Variants in SEC14L5 observed in about 807,000 individuals in gnomAD.
The protein encoded by SEC14L5 is SEC14-like protein 5.
SEC14L5 carries 96 observed loss-of-function variants against 84.6 expected under a neutral mutation model. The observed-to-expected ratio is 1.13, with a 90% CI of 0.96 to 1.34. The LOEUF is 1.34. Among genes scored for constraint, SEC14L5 ranks in the 40% most tolerant of loss-of-function variants. SEC14L5 has a pLI of 0.00. For synonymous variants in SEC14L5, 546 were observed against 383.4 expected (o/e 1.42, Z -4.95); for missense variants, 1,224 against 942.5 (o/e 1.30, Z -3.91).
Position 4,992,006 on chromosome 16 carries a change from G to C in SEC14L5, c.643G>C (p.Ala215Pro). 6.3e-7 allele frequency: 1 copy of C among 1,576,046 alleles called. No homozygotes were observed. Among genetic ancestry groups the C allele is most frequent in the Non-Finnish European group, 8.6e-7 (1 of 1,167,434 alleles). ...AHGPRSTLGP[A>P]LEAVSMDGDK... ...CGGGCCCCGTAGCACCCTGGGGCCC[G>C]CTCTGGAGGCGGTCAGTATGGACGG... is the stretch of plus-strand genomic sequence containing the variant. Residue 215 changes from alanine to proline, a missense_variant, in exon 6 of 16, where the codon GCT becomes CCT. By Grantham distance (27) the Ala-to-Pro change is conservative. Coordinates refer to ENST00000251170, the MANE Select transcript of SEC14L5 (RefSeq NM_014692.2).
In SEC14L5 at chr16:5,014,848, T is replaced by C; in HGVS notation, c.1980-11T>C. ...TGAGAGGGTAACGTGTGCCACGCCCTTCCTCCCCAGGGGCTCCATGTCCAG... is the reference window on the plus strand; with the variant it reads ...TGAGAGGGTAACGTGTGCCACGCCCCTCCTCCCCAGGGGCTCCATGTCCAG... On this transcript the variant is annotated splice_polypyrimidine_tract_variant and intron_variant, in intron 15 of 15. Coordinates refer to ENST00000251170, the MANE Select transcript of SEC14L5 (RefSeq NM_014692.2). The C allele has an allele frequency of 1.2e-6, 2 of 1,610,392 alleles. No individual in the cohort carries two copies. The highest frequency in any genetic ancestry group is 1.7e-6 in the Non-Finnish European group (2 of 1,176,862).
Position 4,971,732 on chromosome 16 carries a change from G to A in SEC14L5, c.63+12346G>A, listed in dbSNP as rs115387126. Among the ~76,000 whole-genome samples, 1,310 of 152,296 alleles carry A rather than the reference G, an allele frequency of 8.6e-3. 18 individuals are homozygous for A. Among genetic ancestry groups the A allele is most frequent in the African/African-American group, 0.03 (1,253 of 41,546 alleles). On this transcript the variant is annotated intron_variant, in intron 2 of 15. Transcript: ENST00000251170. ...TGAGACTAGGGAGACCGGTACTTAT[G>A]TGACTTAATCTCCCAGGGATATATA...
intron 12 of SEC14L5, 146 bp downstream of exon 12, chr16:5,006,194 C>G (rs1955730579): frequency 5.3e-6 from 4 of 761,078 alleles, no homozygotes; most frequent in South Asian, 1.8e-5. Context: ...CTTGCTGGCT[C>G]TCAGCAGCCA....
At chr16:5,010,050 T>C (rs940067065) in intron 14 of SEC14L5, among the ~76,000 whole-genome samples, 1 of 151,894 alleles carries the variant, frequency 6.6e-6, no homozygotes, top group African/African-American at 2.4e-5. Context: ...CAAAAGAAAC[T>C]GTAGGTCTTG....
chr16:4,985,222 A>G (rs1183680952), intron 2 of SEC14L5, among the ~76,000 whole-genome samples: 2 of 151,842 alleles, frequency 1.3e-5, no homozygotes, highest in Admixed American at 6.6e-5. Flanking sequence ...TATTATTATT[A>G]TTTTATTTGT....
intron 6 of SEC14L5, among the ~76,000 whole-genome samples, chr16:4,994,922 G>A (rs1266386818): frequency 6.6e-6 from 1 of 152,060 alleles, no homozygotes. Context: ...ACATCTGCCC[G>A]GGGCCGGAAG....
chr16:5,000,394 C>T (rs1174311757), intron 8 of SEC14L5, among the ~76,000 whole-genome samples: 3 of 152,208 alleles, frequency 2.0e-5, no homozygotes, highest in Non-Finnish European at 4.4e-5. Context: ...TGCCTCTGCC[C>T]CCCAAAATGC....
rs568832836 is a variant in SEC14L5 at position 5,011,211 on chromosome 16, C to T, written c.1917C>T (p.His639=). The T allele has an allele frequency of 1.3e-5, 21 of 1,613,902 alleles. No individual in the cohort carries two copies. In the African/African-American group the frequency reaches 1.9e-4, roughly 14 times the overall value. ...PGVDDVLTAL[H]SPGPKCKLLY... is the part of the protein sequence containing the mutation. ...TGGACGATGTCCTGACGGCTCTGCA[C>T]AGCCCCGGGCCCAAGTGCAAACTTC... Residue 639 remains histidine (H), a synonymous_variant, in exon 15 of 16, where the codon CAC becomes CAT. Transcript: ENST00000251170.
At chr16:4,966,129 C>CTAATTTTT (rs1313677522) in intron 2 of SEC14L5, among the ~76,000 whole-genome samples, 1 of 152,122 alleles carries the variant, frequency 6.6e-6, no homozygotes, top group East Asian at 1.9e-4. Context: ...CCATGCCTGG[C>CTAATTTTT]TAATTTTTTC....
intron 15 of SEC14L5, among the ~76,000 whole-genome samples, chr16:5,012,695 A>T (rs1955819511): frequency 6.6e-6 from 1 of 152,222 alleles, no homozygotes; most frequent in South Asian, 2.1e-4. Context: ...ATCTGTGGTC[A>T]AGAGTTTGAG....
chr16:5,006,497 C>G (rs2908671), intron 12 of SEC14L5, among the ~76,000 whole-genome samples: 14,620 of 152,194 alleles, frequency 0.096, 983 homozygotes, highest in Non-Finnish European at 0.15. Context: ...ATCAGGAACC[C>G]CCTTCAAGGG....
At chr16:4,972,747 C>T (rs1453254142) in intron 2 of SEC14L5, among the ~76,000 whole-genome samples, 3 of 152,210 alleles carry the variant, frequency 2.0e-5, no homozygotes, top group Admixed American at 1.3e-4. Flanking sequence ...TTGATGGACA[C>T]GTGGGTGTTT....
chr16:4,981,119 C>A (rs566478349), intron 2 of SEC14L5, among the ~76,000 whole-genome samples: 36 of 152,070 alleles, frequency 2.4e-4, no homozygotes, highest in South Asian at 1.2e-3. Flanking sequence ...TTCTTTCTTT[C>A]TTTATTTATT....
intron 2 of SEC14L5, among the ~76,000 whole-genome samples, chr16:4,966,939 G>T (rs918540463): frequency 6.6e-6 from 1 of 152,194 alleles, no homozygotes; most frequent in Non-Finnish European, 1.5e-5. Flanking sequence ...CACCGGCCAA[G>T]CCCGGGAGTG....
chr16:4,977,792 T>TTTTA (rs947677125), intron 2 of SEC14L5, among the ~76,000 whole-genome samples: 10 of 151,688 alleles, frequency 6.6e-5, no homozygotes, highest in Admixed American at 5.3e-4. Context: ...AGTGTTTTTA[T>TTTTA]TTTATTTATT....
intron 6 of SEC14L5, among the ~76,000 whole-genome samples, chr16:4,993,845 A>C (rs1188495132): frequency 6.6e-6 from 1 of 152,196 alleles, no homozygotes; most frequent in African/African-American, 2.4e-5. Context: ...TCCCCACAAA[A>C]GTCTTAGTAA....
chr16:4,974,492 C>G (rs1021169683), intron 2 of SEC14L5, among the ~76,000 whole-genome samples: 1 of 152,080 alleles, frequency 6.6e-6, no homozygotes, highest in Non-Finnish European at 1.5e-5. Flanking sequence ...GGTGAGCCAC[C>G]GTGCCTGGCC....
intron 2 of SEC14L5, among the ~76,000 whole-genome samples, chr16:4,979,437 A>G (rs931870651): frequency 6.6e-6 from 1 of 152,120 alleles, no homozygotes. Flanking sequence ...AGCGCTACCT[A>G]CTTCATCAGG....
chr16:4,988,321 C>T (rs1955518302), intron 4 of SEC14L5, 41 bp downstream of exon 4: 4 of 1,603,054 alleles, frequency 2.5e-6, no homozygotes, highest in African/African-American at 2.7e-5. Context: ...CCGGCACCCA[C>T]CTGCGCCCGG....
Sources: allele counts gnomAD v4.1 joint callset (sites outside exome capture counted in the v4.1 genomes callset), GRCh38; gene constraint gnomAD v4.1.1; transcripts MANE v1.5; gene names NCBI Gene and HGNC (gene_info 2026-07-23, HGNC 2026-07-21).